The following DLGAP2 variants were observed in gnomAD, a reference collection of about 807,000 sequenced individuals.
DLGAP2 encodes the protein DLG associated protein 2, also known as disks large-associated protein 2.
In DLGAP2, 26 loss-of-function variants were observed where a neutral mutation model predicts 100.3. The observed-to-expected ratio is 0.26, with a 90% confidence interval of 0.19 to 0.36. The LOEUF is 0.36. Among genes scored for constraint, DLGAP2 ranks in the 10% least tolerant of loss-of-function variants. DLGAP2 has a pLI of 1.00. For missense variants in DLGAP2, 1,858 were observed against 1,453.2 expected (o/e 1.28, Z -4.53); for synonymous variants, 886 against 630.1 (o/e 1.41, Z -6.08).
intron 5 of DLGAP2, among the ~76,000 whole-genome samples, chr8:1,564,864 C>G (rs1802334256): frequency 6.6e-6 from 1 of 152,138 alleles, no homozygotes; most frequent in South Asian, 2.1e-4. Flanking sequence ...CCATACCACA[C>G]AGATATGTAA....
chr8:1,319,861 G>C (rs17754389), intron 3 of DLGAP2, among the ~76,000 whole-genome samples: 29,047 of 152,128 alleles, frequency 0.19, 3,127 homozygotes, highest in Admixed American at 0.29. Context: ...ACTGCAGTCA[G>C]CATGGAAAAC....
chr8:1,698,852 A>G (rs1214019291), intron 14 of DLGAP2, among the ~76,000 whole-genome samples: 1 of 151,884 alleles, frequency 6.6e-6, no homozygotes, highest in Admixed American at 6.6e-5. Flanking sequence ...CATGTAAGCC[A>G]TGTGTGGGAC....
chr8:1,626,963 G>C, intron 7 of DLGAP2, 76 bp downstream of exon 7: 1 of 1,505,032 alleles, frequency 6.6e-7, no homozygotes, highest in Non-Finnish European at 8.9e-7. Context: ...CGGCCGCATA[G>C]GTGGCGATGG....
chr8:1,172,378 C>T (rs189244703), intron 2 of DLGAP2, among the ~76,000 whole-genome samples: 10,812 of 151,412 alleles, frequency 0.071, 1,128 homozygotes, highest in African/African-American at 0.23. Flanking sequence ...TTGCTCTTCT[C>T]GAGGAGTAGC....
intron 2 of DLGAP2, among the ~76,000 whole-genome samples, chr8:930,368 CAG>C (rs10563363): frequency 0.027 from 4,085 of 152,286 alleles, 172 homozygotes; most frequent in African/African-American, 0.092. Flanking sequence ...TTGTGTCCTA[CAG>C]AGAGACAGTA....
intron 1 of DLGAP2, among the ~76,000 whole-genome samples, chr8:770,229 C>T (rs185997681): frequency 6.6e-6 from 1 of 152,250 alleles, no homozygotes; most frequent in East Asian, 1.9e-4. Context: ...CTGCGGAATG[C>T]TCATCTCGTC....
intron 8 of DLGAP2, among the ~76,000 whole-genome samples, chr8:1,652,596 G>C (rs1475405423): frequency 1.3e-5 from 2 of 152,120 alleles, no homozygotes; most frequent in South Asian, 4.1e-4. Context: ...CCTCTGTCAG[G>C]TCAACGACAC....
intron 1 of DLGAP2, among the ~76,000 whole-genome samples, chr8:819,678 G>A (rs557283299): frequency 3.9e-5 from 6 of 152,298 alleles, no homozygotes; most frequent in African/African-American, 1.4e-4. Context: ...TGGAAAAGTA[G>A]GCGCATCCTC....
intron 3 of DLGAP2, among the ~76,000 whole-genome samples, chr8:1,496,653 C>T (rs911551077): frequency 6.6e-6 from 1 of 152,134 alleles, no homozygotes; most frequent in Non-Finnish European, 1.5e-5. Context: ...TCAGATCCAC[C>T]CAGACCCCTC....
chr8:1,047,510 G>A (rs1320728107), intron 2 of DLGAP2, among the ~76,000 whole-genome samples: 4 of 152,136 alleles, frequency 2.6e-5, no homozygotes, highest in African/African-American at 4.8e-5. Flanking sequence ...TCACATCTTA[G>A]TGCACTCAGA....
intron 6 of DLGAP2, among the ~76,000 whole-genome samples, chr8:1,623,038 A>G (rs1797388168): frequency 6.6e-6 from 1 of 151,960 alleles, no homozygotes; most frequent in African/African-American, 2.4e-5. Context: ...GCCTTCTGGG[A>G]CTCTATATGA....
At chr8:1,185,727 TCACA>T (rs1214429290) in intron 2 of DLGAP2, among the ~76,000 whole-genome samples, 2 of 43,714 alleles carry the variant, frequency 4.6e-5, no homozygotes, top group South Asian at 5.6e-4. Context: ...ACACACACAC[TCACA>T]CTCACACACA....
At chr8:990,016 C>T (rs1268349852) in intron 2 of DLGAP2, among the ~76,000 whole-genome samples, 1 of 152,092 alleles carries the variant, frequency 6.6e-6, no homozygotes, top group Non-Finnish European at 1.5e-5. Context: ...CCCAGCCAAC[C>T]TCCTGGACCA....
chr8:1,305,614 C>T (rs375572000), intron 3 of DLGAP2, among the ~76,000 whole-genome samples: 1 of 152,136 alleles, frequency 6.6e-6, no homozygotes, highest in Non-Finnish European at 1.5e-5. Context: ...CACTGCAGTC[C>T]TCCGGCAACC....
chr8:1,354,482 C>G (rs1206809849), intron 3 of DLGAP2, among the ~76,000 whole-genome samples: 1 of 152,190 alleles, frequency 6.6e-6, no homozygotes, highest in African/African-American at 2.4e-5. Context: ...CGCTGCACTC[C>G]AGCCTGAGCA....
At chr8:1,295,788 G>A (rs934108489) in intron 3 of DLGAP2, among the ~76,000 whole-genome samples, 1 of 152,198 alleles carries the variant, frequency 6.6e-6, no homozygotes, top group Non-Finnish European at 1.5e-5. Flanking sequence ...TCGTCCCCTC[G>A]TGACAGGGAA....
At position 1,372,529 on chromosome 8, in the gene DLGAP2, T is replaced by C. The variant is rs538909562; in HGVS notation, c.106+113646T>C. ...GCATAATTCCTCTTCATGGGCACCG[T>C]CTTGTGTATTGCAGGGTTTTAGGAG... On this transcript the variant is annotated intron_variant, in intron 3 of 14. Coordinates refer to ENST00000637795, the MANE Select transcript of DLGAP2 (RefSeq NM_001346810.2). 9.2e-5 allele frequency among the ~76,000 whole-genome samples: 14 copies of C among 152,192 alleles called. 1 individual carries two copies. The South Asian group carries it at 2.9e-3, about 32-fold the overall frequency.
chr8:1,565,625 T>C, intron 5 of DLGAP2, 58 bp from the exon 6 acceptor site: 1 of 1,405,728 alleles, frequency 7.1e-7, no homozygotes, highest in South Asian at 1.3e-5. Flanking sequence ...AAAAAGGAGC[T>C]GATGCTGCCG....
chr8:1,042,360 G>C (rs2701929), intron 2 of DLGAP2, among the ~76,000 whole-genome samples: 11,251 of 152,260 alleles, frequency 0.074, 673 homozygotes, highest in African/African-American at 0.15. Flanking sequence ...GGCTTCCTTA[G>C]GGGTTTCAGG....
Sources: allele counts gnomAD v4.1 joint callset (sites outside exome capture counted in the v4.1 genomes callset), GRCh38; gene constraint gnomAD v4.1.1; transcripts MANE v1.5; gene names NCBI Gene and HGNC (gene_info 2026-07-23, HGNC 2026-07-21).